CEP162: variants seen among roughly 807,000 people sequenced by gnomAD.
The protein encoded by CEP162 is centrosomal protein of 162 kDa.
Under a neutral mutation model 169.2 loss-of-function variants are expected in CEP162, and 141 were observed. That is an observed-to-expected ratio of 0.83 (90% CI 0.73 to 0.96). The LOEUF is 0.96. CEP162 is among the 40% of genes least tolerant of loss of function. The pLI is 0.00. For missense variants in CEP162, 1,600 were observed against 1,587.2 expected, an observed-to-expected ratio of 1.01 and a Z score of -0.14; for synonymous variants, 540 against 526.4, an observed-to-expected ratio of 1.03 and a Z score of -0.35.
At chr6:84,154,301 T>C (rs994947258) in intron 22 of CEP162, among the ~76,000 whole-genome samples, 8 of 152,084 alleles carry the variant, frequency 5.3e-5, no homozygotes, top group Admixed American at 5.2e-4. Flanking sequence ...ACTCCAGACA[T>C]GTTATCAGGG....
intron 25 of CEP162, among the ~76,000 whole-genome samples, chr6:84,129,597 G>A (rs2099510418): frequency 6.6e-6 from 1 of 152,048 alleles, no homozygotes; most frequent in Non-Finnish European, 1.5e-5. Flanking sequence ...TTTGTCAGAT[G>A]GATAGATTGC....
At chr6:84,219,125 T>G in intron 3 of CEP162, 3 of 1,226,150 alleles carry the variant, frequency 2.4e-6, no homozygotes, top group Non-Finnish European at 3.3e-6. Flanking sequence ...TAATAATGCA[T>G]TCCTCTTCTC....
chr6:84,212,977 G>A lies in CEP162; in HGVS notation c.551C>T (p.Ser184Leu), dbSNP rs868666203. The change falls in exon 6 of 27, where the codon TCG (serine) becomes TTG (leucine). Residue 184 changes from serine to leucine, a missense_variant. By Grantham distance (145) the Ser-to-Leu change is moderately radical. Coordinates refer to ENST00000403245, the MANE Select transcript of CEP162 (RefSeq NM_014895.4). ...ELTDDEHENESKHEELAENYS... is the reference protein window; with the variant it reads ...ELTDDEHENELKHEELAENYS... ...ATTACCTGCCAGTTCTTCATGTTTC[G>A]ATTCATTCTCATGTTCGTCATCAGT... is the stretch of plus-strand genomic sequence containing the variant. 6 of 1,549,900 alleles carry A rather than the reference G, an allele frequency of 3.9e-6. No individual in the cohort carries two copies. The highest frequency in any genetic ancestry group is 1.7e-4 in the Middle Eastern group (1 of 5,966).
At chr6:84,142,262 T>C (rs1463531312) in intron 25 of CEP162, among the ~76,000 whole-genome samples, 1 of 152,232 alleles carries the variant, frequency 6.6e-6, no homozygotes, top group Non-Finnish European at 1.5e-5. Context: ...TAATTTATTC[T>C]ATCTGCCAAA....
At chr6:84,197,565 C>A (rs1387650832) in intron 9 of CEP162, among the ~76,000 whole-genome samples, 1 of 152,038 alleles carries the variant, frequency 6.6e-6, no homozygotes, top group Non-Finnish European at 1.5e-5. Context: ...GTAATCCCAG[C>A]ACTTTGGGAG....
At chr6:84,151,689 G>A (rs1227642726) in intron 23 of CEP162, among the ~76,000 whole-genome samples, 1 of 152,090 alleles carries the variant, frequency 6.6e-6, no homozygotes, top group Non-Finnish European at 1.5e-5. Flanking sequence ...TTTTGGGGAT[G>A]GAGAAGGAAG....
chr6:84,203,601 T>C (rs1417932501), intron 7 of CEP162, among the ~76,000 whole-genome samples: 2 of 152,072 alleles, frequency 1.3e-5, no homozygotes, highest in African/African-American at 4.8e-5. Flanking sequence ...TGTGCCACCA[T>C]ACTTTGCTAA....
intron 11 of CEP162, among the ~76,000 whole-genome samples, chr6:84,191,991 C>A (rs887271269): frequency 1.3e-5 from 2 of 152,152 alleles, no homozygotes; most frequent in African/African-American, 4.8e-5. Flanking sequence ...TCTTTCTTTC[C>A]TTACTGACTG....
At chr6:84,169,566 C>A (rs1266443092) in intron 17 of CEP162, 133 bp from the exon 18 acceptor site, 6 of 506,778 alleles carry the variant, frequency 1.2e-5, no homozygotes, top group Non-Finnish European at 2.1e-5. Flanking sequence ...GTAAAATTTT[C>A]ATTTAATCTA....
chr6:84,182,804 T>C (rs1435242537), intron 13 of CEP162, among the ~76,000 whole-genome samples: 1 of 152,160 alleles, frequency 6.6e-6, no homozygotes. Context: ...TCTGGACTCT[T>C]TGTTACATAA....
chr6:84,205,630 G>A (rs992940391), intron 6 of CEP162, among the ~76,000 whole-genome samples: 26 of 152,166 alleles, frequency 1.7e-4, no homozygotes, highest in African/African-American at 5.3e-4. Context: ...ATGGGCAAAA[G>A]CTGGAAGCAT....
chr6:84,141,779 C>T (rs2099516765), intron 25 of CEP162, among the ~76,000 whole-genome samples: 1 of 152,134 alleles, frequency 6.6e-6, no homozygotes, highest in South Asian at 2.1e-4. Context: ...CTACACTCCA[C>T]CTACTTTCCA....
intron 11 of CEP162, among the ~76,000 whole-genome samples, chr6:84,189,205 T>C (rs1281127477): frequency 4.0e-5 from 6 of 148,242 alleles, no homozygotes; most frequent in Non-Finnish European, 5.9e-5. Flanking sequence ...GACAGCATGC[T>C]GGCAGTTCTC....
chr6:84,193,602 T>C lies in CEP162; in HGVS notation c.1109+7A>G, dbSNP rs1386015789. Reference sequence around the variant, plus strand: ...CAATGACAAAACAATAAATAAAAAATTCATACCTGACAGGTTGTAAATCAA... The same window carrying C: ...CAATGACAAAACAATAAATAAAAAACTCATACCTGACAGGTTGTAAATCAA... On this transcript the variant is annotated splice_region_variant and intron_variant, in intron 11 of 26. Transcript: ENST00000403245. 1 of 1,518,558 alleles carries C rather than the reference T, an allele frequency of 6.6e-7. No individual in the cohort carries two copies. The highest frequency in any genetic ancestry group is 1.4e-5 in the African/African-American group (1 of 72,014). 94.1% of individuals were successfully genotyped at this position (1,518,558 alleles called of 1,614,324 possible).
chr6:84,161,644 T>A lies in CEP162; in HGVS notation c.2676+102A>T. On this transcript the variant is annotated intron_variant, in intron 20 of 26. Coordinates refer to ENST00000403245, the MANE Select transcript of CEP162 (RefSeq NM_014895.4). ...CACCGATCTTAATTAATAGTTCAGA[T>A]CTTAATTAATTAATGATGCAATGAC... The A allele has an allele frequency of 3.6e-6, 3 of 831,190 alleles. No individual in the cohort carries two copies. The South Asian group carries it at 4.9e-5, about 14-fold the overall frequency. The allele number at this position is 831,190 out of a possible 1,614,324, so 51.5% of individuals were successfully genotyped here.
intron 19 of CEP162, among the ~76,000 whole-genome samples, chr6:84,162,309 T>A (rs1465378775): frequency 6.6e-6 from 1 of 152,200 alleles, no homozygotes; most frequent in African/African-American, 2.4e-5. Context: ...GAGTGCTTAT[T>A]ACCATTTATT....
chr6:84,220,117 G>T (rs979252916), intron 3 of CEP162, among the ~76,000 whole-genome samples: 2 of 152,078 alleles, frequency 1.3e-5, no homozygotes, highest in Non-Finnish European at 2.9e-5. Flanking sequence ...GTTCCAGTCA[G>T]ATCATGCAGA....
intron 25 of CEP162, among the ~76,000 whole-genome samples, chr6:84,136,986 T>C (rs1177738241): frequency 6.6e-6 from 1 of 152,220 alleles, no homozygotes; most frequent in Non-Finnish European, 1.5e-5. Flanking sequence ...CTGACCATGC[T>C]GACTCTTGTA....
intron 3 of CEP162, 153 bp from the exon 4 acceptor site, chr6:84,216,075 C>A: frequency 1.1e-6 from 1 of 873,882 alleles, no homozygotes; most frequent in Non-Finnish European, 1.6e-6. Flanking sequence ...ACCTAACACT[C>A]ACAAAAGAAA....
Sources: allele counts gnomAD v4.1 joint callset (sites outside exome capture counted in the v4.1 genomes callset), GRCh38; gene constraint gnomAD v4.1.1; transcripts MANE v1.5; gene names NCBI Gene and HGNC (gene_info 2026-07-23, HGNC 2026-07-21).